Variants in WDPCP observed in about 807,000 individuals in gnomAD.
WDPCP encodes WD repeat containing planar cell polarity effector.
A neutral mutation model predicts 93.1 loss-of-function variants in WDPCP; 71 were observed. That is an observed-to-expected ratio of 0.76 (90% confidence interval 0.63 to 0.93). WDPCP has a LOEUF of 0.93. Ranked by LOEUF, WDPCP falls within the 40% of genes least tolerant of loss-of-function variation. The pLI is 0.00. For missense variants in WDPCP, 844 were observed against 887.4 expected (o/e 0.95, Z 0.62); for synonymous variants, 315 against 315.0 (o/e 1.00, Z 0.00).
At chr2:63,838,907 G>A in the WDPCP span, among the ~76,000 whole-genome samples, 3 of 152,292 alleles carry the variant, frequency 2.0e-5, no homozygotes, top group South Asian at 4.1e-4. Flanking sequence ...CAAAGTGTTT[G>A]TGGGTTCAAA....
At chr2:63,808,999 G>C (rs572681543) in intron 2 of WDPCP, among the ~76,000 whole-genome samples, 116 of 149,450 alleles carry the variant, frequency 7.8e-4, no homozygotes, top group Admixed American at 1.3e-3. Context: ...CTGCCGCCCC[G>C]TCTGGGATGT....
chr2:63,464,544 A>G lies in WDPCP; in HGVS notation c.384+20060T>C, dbSNP rs190252367. ...GATCTCAATTCTGGGTATACATCCA[A>G]AAGAATTGAAAGCGGGGTCTTGAAG... On this transcript the variant is annotated intron_variant, in intron 6 of 17. Coordinates refer to ENST00000272321, the MANE Select transcript of WDPCP (RefSeq NM_015910.7). Among the ~76,000 whole-genome samples the G allele has an allele frequency of 8.7e-4, 133 of 152,270 alleles. 1 individual carries two copies. The highest frequency in any genetic ancestry group is 8.4e-3 in the Admixed American group (128 of 15,276).
chr2:63,176,968 T>C (rs1673858713), intron 14 of WDPCP, among the ~76,000 whole-genome samples: 1 of 152,236 alleles, frequency 6.6e-6, no homozygotes, highest in African/African-American at 2.4e-5. Flanking sequence ...ACTTGCTCTT[T>C]TGCATGGGGA....
chr2:63,486,800 G>T (rs1344209063), intron 3 of WDPCP, among the ~76,000 whole-genome samples: 1 of 151,880 alleles, frequency 6.6e-6, no homozygotes, highest in African/African-American at 2.4e-5. Flanking sequence ...TCCTAAATTT[G>T]CAGTGAAAGG....
At chr2:63,208,723 C>T (rs1040379211) in intron 14 of WDPCP, among the ~76,000 whole-genome samples, 2 of 152,172 alleles carry the variant, frequency 1.3e-5, no homozygotes, top group Admixed American at 6.5e-5. Context: ...TCTGTCTGGA[C>T]CATTAGAAGT....
At chr2:63,672,798 GGA>G (rs990830572) in intron 2 of WDPCP, among the ~76,000 whole-genome samples, 25 of 149,914 alleles carry the variant, frequency 1.7e-4, no homozygotes, top group African/African-American at 5.9e-4. Flanking sequence ...TGTCCAGGCT[GGA>G]GGGCAGTAGC....
intron 2 of WDPCP, among the ~76,000 whole-genome samples, chr2:63,659,435 G>A (rs1211487518): frequency 6.6e-6 from 1 of 152,108 alleles, no homozygotes; most frequent in Non-Finnish European, 1.5e-5. Context: ...ATCCAGGTGG[G>A]CAATTGCGTG....
At chr2:63,683,035 G>A (rs2103638903) in intron 2 of WDPCP, among the ~76,000 whole-genome samples, 1 of 152,074 alleles carries the variant, frequency 6.6e-6, no homozygotes. Context: ...TTAAAATAAT[G>A]GATTATAAGA....
chr2:63,625,856 C>T (rs1178961124), intron 3 of WDPCP, among the ~76,000 whole-genome samples: 1 of 152,030 alleles, frequency 6.6e-6, no homozygotes, highest in Non-Finnish European at 1.5e-5. Flanking sequence ...TCATATGGAA[C>T]CAAAAAAGAG....
intron 9 of WDPCP, among the ~76,000 whole-genome samples, chr2:63,428,212 G>A (rs951499114): frequency 6.6e-6 from 1 of 151,244 alleles, no homozygotes; most frequent in Non-Finnish European, 1.5e-5. Flanking sequence ...TGAGGAGGAG[G>A]GACTCCTCCC....
intron 1 of WDPCP, among the ~76,000 whole-genome samples, chr2:63,549,383 A>T (rs1000088556): frequency 6.6e-6 from 1 of 152,236 alleles, no homozygotes; most frequent in African/African-American, 2.4e-5. Context: ...TAATGAATTC[A>T]GAAACAAAAA....
intron 1 of WDPCP, among the ~76,000 whole-genome samples, chr2:63,548,529 G>GAGAA (rs1214075955): frequency 2.6e-5 from 4 of 152,078 alleles, no homozygotes; most frequent in African/African-American, 9.7e-5. Context: ...TTGGCATGTA[G>GAGAA]AGAACACTAC....
intron 3 of WDPCP, among the ~76,000 whole-genome samples, chr2:63,612,475 A>G (rs1214300740): frequency 6.6e-6 from 1 of 152,174 alleles, no homozygotes; most frequent in Non-Finnish European, 1.5e-5. Context: ...GTCTGACTAA[A>G]AGCAGAAACT....
At chr2:63,361,672 C>T (rs1690464777) in intron 12 of WDPCP, among the ~76,000 whole-genome samples, 1 of 152,188 alleles carries the variant, frequency 6.6e-6, no homozygotes, top group Admixed American at 6.5e-5. Flanking sequence ...ACATGACCTG[C>T]TCCAAGCACT....
chr2:63,575,467 G>GTTATATACACTGTATATA (rs1558832897), intron 1 of WDPCP, among the ~76,000 whole-genome samples: 3 of 6,842 alleles, frequency 4.4e-4, no homozygotes, highest in African/African-American at 1.8e-3. Context: ...CAGTATATAT[G>GTTATATACACTGTATATA]CAGTATATAC....
chr2:63,317,650 C>T (rs967661546), intron 12 of WDPCP, among the ~76,000 whole-genome samples: 2 of 152,048 alleles, frequency 1.3e-5, no homozygotes, highest in African/African-American at 4.8e-5. Context: ...AGATAGACAA[C>T]AGCAGCAATG....
chr2:63,784,821 G>A (rs1213298479), intron 2 of WDPCP, among the ~76,000 whole-genome samples: 1 of 152,062 alleles, frequency 6.6e-6, no homozygotes, highest in Non-Finnish European at 1.5e-5. Flanking sequence ...AACTATATGA[G>A]GAACCAATGT....
At chr2:63,629,549 C>A (rs960542829) in intron 3 of WDPCP, among the ~76,000 whole-genome samples, 7 of 152,226 alleles carry the variant, frequency 4.6e-5, no homozygotes, top group African/African-American at 1.7e-4. Context: ...ACAGTAAGGA[C>A]TTATATCAGC....
At chr2:63,406,899 G>C (rs1037510948) in intron 9 of WDPCP, among the ~76,000 whole-genome samples, 7 of 152,114 alleles carry the variant, frequency 4.6e-5, no homozygotes, top group Non-Finnish European at 1.5e-5. Context: ...GGATGTCAGA[G>C]AAAGAGAATG....
Sources: allele counts gnomAD v4.1 joint callset (sites outside exome capture counted in the v4.1 genomes callset), GRCh38; gene constraint gnomAD v4.1.1; transcripts MANE v1.5; gene names NCBI Gene and HGNC (gene_info 2026-07-23, HGNC 2026-07-21).